The following DCC variants were observed in gnomAD, a reference collection of about 807,000 sequenced individuals.
DCC encodes the protein DCC netrin 1 receptor.
In DCC, 58 loss-of-function variants were observed where a neutral mutation model predicts 172.5. That is an observed-to-expected ratio of 0.34 (90% CI 0.27 to 0.42). The LOEUF is 0.42. Among genes scored for constraint, DCC ranks in the 10% least tolerant of loss-of-function variants. DCC has a pLI of 1.00. For synonymous variants in DCC, 709 were observed against 644.5 expected, an observed-to-expected ratio of 1.10 and a Z score of -1.52; for missense variants, 1,740 against 1,791.0, an observed-to-expected ratio of 0.97 and a Z score of 0.51.
intron 1 of DCC, among the ~76,000 whole-genome samples, chr18:52,647,887 G>T (rs537326250): frequency 6.6e-6 from 1 of 152,210 alleles, no homozygotes; most frequent in East Asian, 1.9e-4. Flanking sequence ...GGGGGAACAC[G>T]GCAAACATGG....
Position 53,272,691 on chromosome 18 carries a change from A to G in DCC, c.1912-32887A>G, listed in dbSNP as rs1005745075. Among the ~76,000 whole-genome samples the G allele has an allele frequency of 1.8e-4, 27 of 152,140 alleles. 1 individual carries two copies. The highest frequency in any genetic ancestry group is 1.6e-4 in the Non-Finnish European group (11 of 68,016). The stretch of plus-strand genomic sequence containing the variant: ...ACCACACAGAGTTGTAAGCATTGCA[A>G]TGTAATTTCGTATATTTTTCAAAAT... On this transcript the variant is annotated intron_variant, in intron 12 of 28. Transcript: ENST00000442544.
At chr18:53,520,822 A>AGTT (rs1453340348) in intron 27 of DCC, among the ~76,000 whole-genome samples, 2 of 152,046 alleles carry the variant, frequency 1.3e-5, no homozygotes, top group Non-Finnish European at 2.9e-5. Context: ...TTGCCTAATT[A>AGTT]GTTGTTAATA....
At chr18:52,839,520 G>C (rs1469948923) in intron 2 of DCC, among the ~76,000 whole-genome samples, 1 of 152,164 alleles carries the variant, frequency 6.6e-6, no homozygotes, top group Non-Finnish European at 1.5e-5. Context: ...AGATTGATGA[G>C]TGTATTGGTG....
At chr18:52,558,167 CATT>C (rs2032957555) in intron 1 of DCC, among the ~76,000 whole-genome samples, 1 of 151,328 alleles carries the variant, frequency 6.6e-6, no homozygotes, top group African/African-American at 2.4e-5. Flanking sequence ...AATTTAATAT[CATT>C]ATTGGAAAAA....
chr18:52,764,106 G>T (rs1299013654), intron 2 of DCC, among the ~76,000 whole-genome samples: 2 of 152,190 alleles, frequency 1.3e-5, no homozygotes, highest in Non-Finnish European at 1.5e-5. Flanking sequence ...CATTTTGATA[G>T]AAACTGGTAT....
chr18:53,167,589 ACATTTATTTATG>A (rs1190180401), intron 8 of DCC, among the ~76,000 whole-genome samples: 1 of 152,194 alleles, frequency 6.6e-6, no homozygotes, highest in African/African-American at 2.4e-5. Context: ...TTTTAATTTC[ACATTTATTTATG>A]CATTTATTTA....
At position 53,498,431 on chromosome 18, in the gene DCC, C is replaced by A. The variant is rs543076407; in HGVS notation, c.3899-867C>A. The stretch of plus-strand genomic sequence containing the variant: ...TAATACTTAAACCTACTATGCAGCT[C>A]GTTTTGCTTGCAGTTTAACCTGGAC... On this transcript the variant is annotated intron_variant, in intron 26 of 28. Transcript: ENST00000442544. Among the ~76,000 whole-genome samples the A allele has an allele frequency of 3.9e-4, 59 of 152,214 alleles. 1 individual carries two copies. Among genetic ancestry groups the A allele is most frequent in the Admixed American group, 5.9e-4 (9 of 15,292 alleles).
intron 1 of DCC, among the ~76,000 whole-genome samples, chr18:52,657,504 C>T (rs2035279090): frequency 6.6e-6 from 1 of 152,162 alleles, no homozygotes; most frequent in African/African-American, 2.4e-5. Context: ...ACCAGCAGGG[C>T]TCCAGCCATT....
At chr18:52,423,289 C>T (rs1173598748) in intron 1 of DCC, among the ~76,000 whole-genome samples, 1 of 152,014 alleles carries the variant, frequency 6.6e-6, no homozygotes, top group Non-Finnish European at 1.5e-5. Context: ...ATAGAGAAGC[C>T]CTGCAGAGGT....
At chr18:53,476,680 A>G (rs1186992756) in intron 25 of DCC, among the ~76,000 whole-genome samples, 1 of 152,176 alleles carries the variant, frequency 6.6e-6, no homozygotes, top group Non-Finnish European at 1.5e-5. Flanking sequence ...AGACTAATAC[A>G]GGGTTAGAAT....
intron 1 of DCC, among the ~76,000 whole-genome samples, chr18:52,450,547 A>G (rs1481974766): frequency 6.6e-6 from 1 of 152,144 alleles, no homozygotes; most frequent in Admixed American, 6.6e-5. Flanking sequence ...GCTTTAGGCT[A>G]TTTGGGGAAA....
intron 14 of DCC, among the ~76,000 whole-genome samples, chr18:53,333,518 G>C (rs768017368): frequency 6.6e-6 from 1 of 152,182 alleles, no homozygotes; most frequent in Non-Finnish European, 1.5e-5. Flanking sequence ...GCATTACCAA[G>C]ATCTGGCACA....
At chr18:52,477,074 C>T (rs8094010) in intron 1 of DCC, among the ~76,000 whole-genome samples, 93,020 of 151,894 alleles carry the variant, frequency 0.61, 28,578 homozygotes, top group Middle Eastern at 0.66. Flanking sequence ...GATTTTCATC[C>T]TCTGGCTGCT....
intron 1 of DCC, among the ~76,000 whole-genome samples, chr18:52,444,645 T>A (rs972335679): frequency 3.3e-5 from 5 of 152,212 alleles, no homozygotes; most frequent in South Asian, 4.1e-4. Context: ...AAGATTTGTT[T>A]TCCTCCTGCT....
At chr18:53,460,314 G>A in intron 24 of DCC, among the ~76,000 whole-genome samples, 1 of 130,374 alleles carries the variant, frequency 7.7e-6, no homozygotes. Context: ...AAGTTTTAGG[G>A]TACATGTGCA....
intron 1 of DCC, among the ~76,000 whole-genome samples, chr18:52,545,252 G>A (rs548537369): frequency 6.6e-6 from 1 of 152,312 alleles, no homozygotes; most frequent in African/African-American, 2.4e-5. Context: ...GGGAAGTACT[G>A]GCCTGGAGGG....
intron 27 of DCC, among the ~76,000 whole-genome samples, chr18:53,506,682 A>G (rs569063898): frequency 9.2e-5 from 14 of 152,082 alleles, no homozygotes; most frequent in East Asian, 7.7e-4. Context: ...ACACAGTGAA[A>G]CCCCATCTCT....
At chr18:52,376,079 G>A (rs1985333440) in intron 1 of DCC, among the ~76,000 whole-genome samples, 1 of 152,160 alleles carries the variant, frequency 6.6e-6, no homozygotes, top group Non-Finnish European at 1.5e-5. Context: ...TCTCTTTCTT[G>A]TGCTTCCTTT....
At chr18:52,904,820 A>G (rs1016652142) in intron 2 of DCC, among the ~76,000 whole-genome samples, 9 of 152,248 alleles carry the variant, frequency 5.9e-5, no homozygotes, top group Non-Finnish European at 2.9e-5. Context: ...TCAAATGAAA[A>G]TAGAAATATC....
Sources: allele counts gnomAD v4.1 joint callset (sites outside exome capture counted in the v4.1 genomes callset), GRCh38; gene constraint gnomAD v4.1.1; transcripts MANE v1.5; gene names NCBI Gene and HGNC (gene_info 2026-07-23, HGNC 2026-07-21).